Variants in CSMD1 observed in about 807,000 individuals in gnomAD.
CSMD1 encodes the protein CUB and sushi domain-containing protein 1.
In CSMD1, 213 loss-of-function variants were observed where a neutral mutation model predicts 417.5. That is an observed-to-expected ratio of 0.51 (90% CI 0.46 to 0.57). CSMD1 has a LOEUF of 0.57. Ranked by LOEUF, CSMD1 falls within the 20% of genes least tolerant of loss-of-function variation. The pLI is 0.00. For synonymous variants in CSMD1, 2,862 were observed against 1,736.8 expected, an observed-to-expected ratio of 1.65 and a Z score of -16.11; for missense variants, 6,923 against 4,529.7, an observed-to-expected ratio of 1.53 and a Z score of -15.17.
intron 54 of CSMD1, among the ~76,000 whole-genome samples, chr8:2,985,983 G>A (rs1279590117): frequency 2.9e-5 from 4 of 136,500 alleles, no homozygotes; most frequent in Admixed American, 7.3e-5. Flanking sequence ...AGGGAAAGGG[G>A]AAGGGAAAGG....
intron 1 of CSMD1, among the ~76,000 whole-genome samples, chr8:4,744,858 C>G (rs1419209527): frequency 6.6e-6 from 1 of 152,114 alleles, no homozygotes; most frequent in Non-Finnish European, 1.5e-5. Context: ...TTAGTAGTCT[C>G]AGACATTAAA....
At chr8:4,612,044 G>A (rs1256007212) in intron 2 of CSMD1, among the ~76,000 whole-genome samples, 1 of 152,096 alleles carries the variant, frequency 6.6e-6, no homozygotes, top group African/African-American at 2.4e-5. Context: ...GAAAGCCATG[G>A]TTCCCGGCGT....
Position 3,425,109 on chromosome 8 carries a change from C to G in CSMD1, c.1562-15504G>C, listed in dbSNP as rs372832847. Among the ~76,000 whole-genome samples, 71 of 152,270 alleles carry G rather than the reference C, an allele frequency of 4.7e-4. 2 individuals carry two copies. In the South Asian group the frequency reaches 0.014, roughly 31 times the overall value. ...CCTGTCCCAGCATCCCAAAGCGCCA[C>G]CATGCTTGTCCTATTTTATCATTAG... On this transcript the variant is annotated intron_variant, in intron 12 of 69. Coordinates refer to ENST00000635120, the MANE Select transcript of CSMD1 (RefSeq NM_033225.6).
At position 3,182,915 on chromosome 8, in the gene CSMD1, G is replaced by T. The variant is rs1239734384; in HGVS notation, c.5621-1701C>A. On this transcript the variant is annotated intron_variant, in intron 36 of 69. Transcript: ENST00000635120. ...GTGTGTGTATTGTTAGTAGAGAAGG[G>T]GTTGTTAGTAGAGAAGGGGTTGTTA... 1.5e-3 allele frequency: 102 copies of T among 68,280 alleles called. 1 individual carries two copies. Among genetic ancestry groups the T allele is most frequent in the Middle Eastern group, 8.8e-3 (1 of 114 alleles). The allele number at this position is 68,280 out of a possible 1,614,324, so 4.2% of individuals were successfully genotyped here.
Position 4,604,291 on chromosome 8 carries a change from G to C in CSMD1, c.302+33051C>G, listed in dbSNP as rs565994965. ...AAGGTACAATAGATATAAGACATTG[G>C]TGTCTATATAACAGGAATATGCATT... On this transcript the variant is annotated intron_variant, in intron 2 of 69. Transcript: ENST00000635120. Among the ~76,000 whole-genome samples, 5 of 151,424 alleles carry C rather than the reference G, an allele frequency of 3.3e-5. No individual in the cohort carries two copies. In the East Asian group the frequency reaches 5.8e-4, roughly 18 times the overall value.
chr8:4,149,262 C>T (rs1378115297), intron 3 of CSMD1, among the ~76,000 whole-genome samples: 1 of 152,150 alleles, frequency 6.6e-6, no homozygotes, highest in Non-Finnish European at 1.5e-5. Flanking sequence ...CTATGCCCAG[C>T]CCGTAATTTT....
At chr8:4,911,399 TA>T (rs1805661005) in intron 1 of CSMD1, among the ~76,000 whole-genome samples, 1 of 152,234 alleles carries the variant, frequency 6.6e-6, no homozygotes, top group Non-Finnish European at 1.5e-5. Context: ...CTAGATTTGT[TA>T]GGTAATTCCC....
chr8:3,309,297 C>T (rs12056439), intron 23 of CSMD1, among the ~76,000 whole-genome samples: 1 of 152,078 alleles, frequency 6.6e-6, no homozygotes, highest in East Asian at 1.9e-4. Flanking sequence ...TTCTTCCAAA[C>T]TCCAAGATGT....
intron 5 of CSMD1, among the ~76,000 whole-genome samples, chr8:3,915,003 A>G (rs1300778361): frequency 6.6e-6 from 1 of 152,188 alleles, no homozygotes; most frequent in Non-Finnish European, 1.5e-5. Context: ...TCACACACAT[A>G]CAAGTGTTCA....
chr8:3,875,589 C>T (rs1048386087), intron 5 of CSMD1, among the ~76,000 whole-genome samples: 15 of 152,066 alleles, frequency 9.9e-5, no homozygotes, highest in Admixed American at 9.2e-4. Context: ...GGAGAGGAGT[C>T]CCATTGTGAG....
chr8:4,344,670 A>C (rs1273969459), intron 3 of CSMD1, among the ~76,000 whole-genome samples: 18 of 152,166 alleles, frequency 1.2e-4, no homozygotes, highest in Non-Finnish European at 7.4e-5. Context: ...GAATCAATAA[A>C]CACAAAGATA....
intron 5 of CSMD1, among the ~76,000 whole-genome samples, chr8:3,900,163 C>CAGCTGGGTGACAGTGT (rs1807634116): frequency 1.3e-5 from 2 of 151,412 alleles, no homozygotes; most frequent in Non-Finnish European, 2.9e-5. Context: ...GATGACACCA[C>CAGCTGGGTGACAGTGT]AGCTGGGTGA....
At chr8:3,601,834 T>G (rs887030147) in intron 8 of CSMD1, among the ~76,000 whole-genome samples, 3 of 152,158 alleles carry the variant, frequency 2.0e-5, no homozygotes, top group Non-Finnish European at 4.4e-5. Context: ...TCATTCTGTT[T>G]CCCCCTACGT....
intron 64 of CSMD1, 33 bp downstream of exon 64, chr8:2,955,556 G>C (rs758686771): frequency 3.7e-6 from 6 of 1,607,458 alleles, no homozygotes. Flanking sequence ...TTGCTCTTTG[G>C]AAAAGTATGC....
intron 5 of CSMD1, among the ~76,000 whole-genome samples, chr8:3,782,486 C>T (rs930682071): frequency 6.6e-6 from 1 of 152,120 alleles, no homozygotes; most frequent in Non-Finnish European, 1.5e-5. Flanking sequence ...CTAATAAAAT[C>T]AAGTGCTTTT....
At chr8:3,467,284 G>T (rs573111799) in intron 12 of CSMD1, among the ~76,000 whole-genome samples, 3 of 152,312 alleles carry the variant, frequency 2.0e-5, no homozygotes, top group East Asian at 3.9e-4. Context: ...TCTCAATGCT[G>T]CTGAGATGAA....
chr8:3,268,653 T>G (rs1336847099), intron 26 of CSMD1, among the ~76,000 whole-genome samples: 3 of 152,174 alleles, frequency 2.0e-5, no homozygotes, highest in Admixed American at 6.5e-5. Flanking sequence ...TGAAACAATT[T>G]ATTTCCGAAT....
chr8:4,230,056 C>T (rs769846835), intron 3 of CSMD1, among the ~76,000 whole-genome samples: 12 of 152,114 alleles, frequency 7.9e-5, no homozygotes, highest in South Asian at 2.1e-4. Flanking sequence ...TACGTGCGTG[C>T]GTGCACTCAG....
rs377462004 is a variant in CSMD1, at chr8:4,664,050, G to C, written c.86-26492C>G. Among the ~76,000 whole-genome samples, 16 of 152,198 alleles carry C rather than the reference G, an allele frequency of 1.1e-4. No homozygotes were observed. The South Asian group carries it at 1.9e-3, about 18-fold the overall frequency. On this transcript the variant is annotated intron_variant, in intron 1 of 69. Coordinates refer to ENST00000635120, the MANE Select transcript of CSMD1 (RefSeq NM_033225.6). Reference sequence around the variant, plus strand: ...TCTGATGAAGCTACCTCATGAAATCGCCTCTGTGAACTGTGTGGGTTCTGT... The same window carrying C: ...TCTGATGAAGCTACCTCATGAAATCCCCTCTGTGAACTGTGTGGGTTCTGT...
Sources: allele counts gnomAD v4.1 joint callset (sites outside exome capture counted in the v4.1 genomes callset), GRCh38; gene constraint gnomAD v4.1.1; transcripts MANE v1.5; gene names NCBI Gene and HGNC (gene_info 2026-07-23, HGNC 2026-07-21).